Variants in GNAS observed in about 807,000 individuals in gnomAD.
The protein encoded by GNAS is GNAS complex locus, also known as protein ALEX.
GNAS carries 8 observed loss-of-function variants against 54.5 expected under a neutral mutation model. That is an observed-to-expected ratio of 0.15 (90% CI 0.09 to 0.26). The LOEUF (loss-of-function observed/expected upper bound fraction) is 0.26. GNAS is among the 10% of genes least tolerant of loss of function. The pLI, the probability that GNAS is intolerant of heterozygous loss-of-function variation, is 1.00. For synonymous variants in GNAS, 204 were observed against 191.4 expected (o/e 1.07, Z -0.54); for missense variants, 170 against 529.8 (o/e 0.32, Z 6.67).
At chr20:58,879,667 G>A (rs1046743446) in intron 1 of GNAS, among the ~76,000 whole-genome samples, 1 of 152,156 alleles carries the variant, frequency 6.6e-6, no homozygotes, top group African/African-American at 2.4e-5. Flanking sequence ...TGGGGGTCTC[G>A]CTTTCTCTGC....
intron 5 of GNAS, among the ~76,000 whole-genome samples, 193 bp from the exon 6 acceptor site, chr20:58,905,190 G>A (rs1169948028): frequency 2.0e-5 from 3 of 152,150 alleles, no homozygotes; most frequent in East Asian, 1.9e-4. Flanking sequence ...AGCTAATTGC[G>A]TGAACTTTTG....
Position 58,910,417 on chromosome 20 carries a change from C to CT in GNAS, c.1038+19dup. 1 of 1,583,880 alleles carries CT rather than the reference C, an allele frequency of 6.3e-7. No individual in the cohort carries two copies. The highest frequency in any genetic ancestry group is 8.7e-7 in the Non-Finnish European group (1 of 1,152,484). ...TGAGTTTCTGGTGAGTCGAGCCTGTCTTTAGTTTCCTCTCTTGTTCCTCCT... is the reference window on the plus strand; with the variant it reads ...TGAGTTTCTGGTGAGTCGAGCCTGTCTTTTAGTTTCCTCTCTTGTTCCTCCT... On this transcript the variant is annotated intron_variant, in intron 12 of 12. Coordinates refer to ENST00000371085, the MANE Select transcript of GNAS (RefSeq NM_000516.7). The surrounding 1 kb of genome is among the most constrained non-coding windows in gnomAD (Gnocchi z 5.8).
intron 1 of GNAS, chr20:58,876,612 T>C (rs1054450551): frequency 2.6e-5 from 4 of 152,172 alleles, no homozygotes; most frequent in Non-Finnish European, 5.9e-5. Context: ...TACAGTTTTA[T>C]TTCAGACACA....
chr20:58,844,121 C>G (rs2085849334), intron 1 of GNAS: 2 of 152,068 alleles, frequency 1.3e-5, no homozygotes, highest in South Asian at 2.1e-4. Context: ...ATGGATTTAC[C>G]TCAATTATCA....
Position 58,903,899 on chromosome 20 carries a change from C to G in GNAS, c.432+108C>G, listed in dbSNP as rs536263470. 20 of 1,121,224 alleles carry G rather than the reference C, an allele frequency of 1.8e-5. No individual in the cohort carries two copies. In the South Asian group the frequency reaches 2.2e-4, roughly 13 times the overall value. The allele number at this position is 1,121,224 out of a possible 1,614,324, so 69.5% of individuals were successfully genotyped here. On this transcript the variant is annotated intron_variant, in intron 5 of 12. Coordinates refer to ENST00000371085, the MANE Select transcript of GNAS (RefSeq NM_000516.7). ...CACATGGGCAGGAGCATCCAAACCA[C>G]ACTTCAGGCAAAACTACATTTCAGT... is the stretch of plus-strand genomic sequence containing the variant.
At chr20:58,849,807 C>T (rs2086084097) in intron 1 of GNAS, among the ~76,000 whole-genome samples, 1 of 152,236 alleles carries the variant, frequency 6.6e-6, no homozygotes, top group African/African-American at 2.4e-5. Flanking sequence ...TAAACATCTC[C>T]TTTGTGCATA....
In GNAS at chr20:58,853,584, G is replaced by C. The variant is rs765294672; in HGVS notation, c.43+12698G>C. 3 of 1,613,332 alleles carry C rather than the reference G, an allele frequency of 1.9e-6. No individual in the cohort carries two copies. The highest frequency in any genetic ancestry group is 2.5e-6 in the Non-Finnish European group (3 of 1,179,882). On this transcript the variant is annotated intron_variant, in intron 1 of 12. Transcript: ENST00000306090. The surrounding 1 kb of genome is among the most constrained non-coding windows in gnomAD (Gnocchi z 4.4). ...TGAGGAAGCAATGCCCTTCGAGGCT[G>C]AACAGCCCAGCTTGGGAGGCTTCTG...
In GNAS at chr20:58,891,864, G is replaced by C. The variant is rs760146185; in HGVS notation, c.138G>C (p.Leu46=). ...VYRATHRLLL[L]GAGESGKSTI... is the part of the protein sequence containing the mutation. ...GGGCCACGCACCGCCTGCTGCTGCT[G>C]GGTAAGGGCGGGCGGGGGGCGCCGG... The change falls in exon 1 of 13, where the codon CTG becomes CTC. Residue 46 remains leucine (L), a splice_region_variant and synonymous_variant. Coordinates refer to ENST00000371085, the MANE Select transcript of GNAS (RefSeq NM_000516.7). The C allele has an allele frequency of 8.3e-7, 1 of 1,206,642 alleles. No individual in the cohort carries two copies. Among genetic ancestry groups the C allele is most frequent in the African/African-American group, 1.6e-5 (1 of 62,064 alleles). The allele number at this position is 1,206,642 out of a possible 1,614,324, so 74.7% of individuals were successfully genotyped here.
rs117849691 is a variant in GNAS, at chr20:58,903,579, G to T, written c.306G>T (p.Ala102=). The T allele has an allele frequency of 8.7e-6, 14 of 1,614,118 alleles. No homozygotes were observed. The highest frequency in any genetic ancestry group is 1.2e-5 in the Non-Finnish European group (14 of 1,179,972). The part of the protein sequence containing the change: ...VQDIKNNLKE[A]IETIVAAMSN... ...ACATCAAAAACAACCTGAAAGAGGC[G>T]ATTGAAGTACGTGCTGGCTCCTTGT... The change falls in exon 4 of 13, where the codon GCG becomes GCT. Residue 102 remains alanine (A), a synonymous_variant. Transcript: ENST00000371085.
At chr20:58,848,142 G>A (rs2086006781) in intron 1 of GNAS, among the ~76,000 whole-genome samples, 1 of 152,252 alleles carries the variant, frequency 6.6e-6, no homozygotes, top group African/African-American at 2.4e-5. Flanking sequence ...ATGGAAGCAT[G>A]AGAAATTCTT....
intron 5 of GNAS, among the ~76,000 whole-genome samples, chr20:58,905,084 C>G (rs563130740): frequency 1.3e-5 from 2 of 152,184 alleles, no homozygotes; most frequent in Non-Finnish European, 2.9e-5. Flanking sequence ...CTAAACAATT[C>G]TGTGAAGAAA....
chr20:58,901,672 C>T (rs537815996), intron 3 of GNAS, among the ~76,000 whole-genome samples: 2 of 151,734 alleles, frequency 1.3e-5, no homozygotes, highest in African/African-American at 2.4e-5. Context: ...AGGGGCTTCA[C>T]GTAGGAAGGG....
chr20:58,854,574 G>A, intron 1 of GNAS: 1 of 1,551,856 alleles, frequency 6.4e-7, no homozygotes, highest in Non-Finnish European at 8.6e-7. Context: ...AGCCCCTGCC[G>A]CCCCAGCCGA....
intron 1 of GNAS, among the ~76,000 whole-genome samples, chr20:58,880,324 G>C (rs2088142668): frequency 6.6e-6 from 1 of 152,198 alleles, no homozygotes. Context: ...GGTGCAGGCA[G>C]GGCAGAGCCC....
In GNAS at chr20:58,891,585, G is replaced by T. The variant is rs1314653103; in HGVS notation, c.-142G>T. On this transcript the variant is annotated 5_prime_UTR_variant, in exon 1 of 13. Transcript: ENST00000371085. ...CCCCGCGGCCCGCGGCCCGCAGTCC[G>T]CCCCGCGCGCTCCTTGCCGAGGAGC... 1.0e-6 allele frequency: 1 copy of T among 970,520 alleles called. No homozygotes were observed. The highest frequency in any genetic ancestry group is 4.7e-5 in the South Asian group (1 of 21,392). The allele number at this position is 970,520 out of a possible 1,614,324, so 60.1% of individuals were successfully genotyped here. A position where few individuals can be genotyped will look rare whatever the true frequency, so the allele number is the denominator to read the frequency against.
intron 2 of GNAS, chr20:58,898,565 G>A (rs2090297206): frequency 7.4e-6 from 2 of 270,562 alleles, no homozygotes; most frequent in Admixed American, 9.3e-5. Context: ...GGGAGAATTA[G>A]GAGCCTTATG....
upstream of GNAS, chr20:58,888,374 T>G (rs977299443): frequency 4.6e-5 from 7 of 152,260 alleles, no homozygotes; most frequent in Admixed American, 6.5e-5. Context: ...TGGCAGCAGA[T>G]GACCTAACCA....
upstream of GNAS, among the ~76,000 whole-genome samples, chr20:58,891,134 G>GA (rs1003855564): frequency 6.7e-6 from 1 of 148,508 alleles, no homozygotes; most frequent in Non-Finnish European, 1.5e-5. Flanking sequence ...CCCGGGGGGT[G>GA]GGGGGCGTCT....
intron 1 of GNAS, among the ~76,000 whole-genome samples, chr20:58,852,449 GC>G (rs2086218002): frequency 6.6e-6 from 1 of 152,170 alleles, no homozygotes; most frequent in Admixed American, 6.5e-5. Context: ...GCGTGCCTGC[GC>G]CCCTTCCCAG....
Sources: gnomAD v4.1 joint callset for allele counts (sites outside exome capture counted in the v4.1 genomes callset) on GRCh38, gnomAD v4.1.1 for gene constraint, Gnocchi (gnomAD v3.1) non-coding constraint, MANE v1.5 for transcripts, NCBI Gene and HGNC (gene_info 2026-07-23, HGNC 2026-07-21) for gene names.